EFEMP1: variants seen among roughly 807,000 people sequenced by gnomAD.
EFEMP1 encodes EGF-like fibulin extracellular matrix protein 1.
In EFEMP1, 18 loss-of-function variants were observed where a neutral mutation model predicts 65.7. The observed-to-expected ratio is 0.27, with a 90% CI of 0.19 to 0.41. EFEMP1 has a LOEUF of 0.41. EFEMP1 is among the 10% of genes least tolerant of loss of function. EFEMP1 has a pLI of 1.00. For missense variants in EFEMP1, 469 were observed against 624.8 expected (o/e 0.75, Z 2.66); for synonymous variants, 237 against 219.7 (o/e 1.08, Z -0.70).
intron 5 of EFEMP1, among the ~76,000 whole-genome samples, chr2:55,894,614 T>C (rs535779534): frequency 6.6e-6 from 1 of 152,338 alleles, no homozygotes; most frequent in East Asian, 1.9e-4. Flanking sequence ...CCAATATTTG[T>C]TTTTTTAAAT....
In EFEMP1 at chr2:55,921,590, C is replaced by T. The variant is rs1390372535; in HGVS notation, c.81+770G>A. On this transcript the variant is annotated intron_variant, in intron 3 of 11. Coordinates refer to ENST00000355426, the MANE Select transcript of EFEMP1 (RefSeq NM_001039348.3). The surrounding 1 kb of genome is among the most constrained non-coding windows in gnomAD (Gnocchi z 4.1). ...AGAACAGAGGTGCAAACAAACTCAC[C>T]AGAAGTGAAGTCAGTACTGTCCTTC... Among the ~76,000 whole-genome samples, 1 of 152,174 alleles carries T rather than the reference C, an allele frequency of 6.6e-6. No homozygotes were observed. Among genetic ancestry groups the T allele is most frequent in the Non-Finnish European group, 1.5e-5 (1 of 68,042 alleles).
chr2:55,901,045 G>A (rs1670012308), intron 5 of EFEMP1, among the ~76,000 whole-genome samples: 1 of 152,146 alleles, frequency 6.6e-6, no homozygotes, highest in South Asian at 2.1e-4. Context: ...TGGGGCAAAA[G>A]AAACGATGTA....
intron 3 of EFEMP1, among the ~76,000 whole-genome samples, chr2:55,920,538 C>T (rs143652270): frequency 0.013 from 1,936 of 152,320 alleles, 29 homozygotes; most frequent in Middle Eastern, 0.031. Context: ...TGGATACGAG[C>T]CCATTCTTCT....
intron 5 of EFEMP1, among the ~76,000 whole-genome samples, chr2:55,912,099 TGAA>T (rs912607379): frequency 6.6e-6 from 1 of 152,146 alleles, no homozygotes; most frequent in Non-Finnish European, 1.5e-5. Context: ...CTAAAAACAA[TGAA>T]GAACTGTAAG....
In EFEMP1 at chr2:55,885,844, T is replaced by C. The variant is rs1027969633; in HGVS notation, c.518-4110A>G. ...AGTCCCTGCTTAGGCCCTCATTCTC[T>C]ATGTTTTTGGCTCCTTCCCTTCAGT... On this transcript the variant is annotated intron_variant, in intron 5 of 11. Transcript: ENST00000355426. The surrounding 1 kb of genome is among the most constrained non-coding windows in gnomAD (Gnocchi z 4.3). Among the ~76,000 whole-genome samples, 30 of 152,178 alleles carry C rather than the reference T, an allele frequency of 2.0e-4. No individual in the cohort carries two copies. Among genetic ancestry groups the C allele is most frequent in the Non-Finnish European group, 3.1e-4 (21 of 68,034 alleles).
At chr2:55,869,947 C>T (rs1329686929) in intron 11 of EFEMP1, among the ~76,000 whole-genome samples, 2 of 151,902 alleles carry the variant, frequency 1.3e-5, no homozygotes, top group Non-Finnish European at 2.9e-5. Context: ...TCAGAAGCCA[C>T]TGAAGGGATC....
chr2:55,914,062 G>C (rs1376234591), intron 5 of EFEMP1, among the ~76,000 whole-genome samples: 1 of 152,162 alleles, frequency 6.6e-6, no homozygotes, highest in Non-Finnish European at 1.5e-5. Context: ...ACTAAAGTGA[G>C]CCATCAACAG....
chr2:55,890,697 C>T (rs1669596479), intron 5 of EFEMP1, among the ~76,000 whole-genome samples: 1 of 151,944 alleles, frequency 6.6e-6, no homozygotes, highest in Non-Finnish European at 1.5e-5. Flanking sequence ...TCACAACAAC[C>T]CATGGTTTAA....
chr2:55,884,092 A>G (rs981902106), intron 5 of EFEMP1, among the ~76,000 whole-genome samples: 1 of 152,000 alleles, frequency 6.6e-6, no homozygotes, highest in Non-Finnish European at 1.5e-5. Context: ...TACTAACTAC[A>G]TTTCCATTTA....
In EFEMP1 at chr2:55,871,197, G is replaced by C; in HGVS notation, c.1001-74C>G. 4 of 1,601,136 alleles carry C rather than the reference G, an allele frequency of 2.5e-6. No individual in the cohort carries two copies. The Admixed American group carries it at 6.7e-5, about 27-fold the overall frequency. ...ATCTAATTAAATCATATAACTGGCA[G>C]ATTCTGTTTGCAAGGAAGGAGGTGT... is the stretch of plus-strand genomic sequence containing the variant. On this transcript the variant is annotated intron_variant, in intron 9 of 11. Transcript: ENST00000355426. This position sits in a 1 kb window ranked among gnomAD's most constrained non-coding sequence, Gnocchi z 4.2.
At chr2:55,895,326 C>T (rs1329011335) in intron 5 of EFEMP1, among the ~76,000 whole-genome samples, 1 of 152,234 alleles carries the variant, frequency 6.6e-6, no homozygotes, top group Non-Finnish European at 1.5e-5. Flanking sequence ...TGGGCTCCAT[C>T]TCATCAGTGC....
intron 11 of EFEMP1, among the ~76,000 whole-genome samples, chr2:55,869,562 A>G (rs1668720334): frequency 6.6e-6 from 1 of 152,218 alleles, no homozygotes; most frequent in Non-Finnish European, 1.5e-5. Context: ...ATAATATCAC[A>G]TAACTCTGGA....
rs568098626 is a variant in EFEMP1, at chr2:55,886,598, T to C, written c.518-4864A>G. ...TGTTTGTTAGAAGGAAGAGCTTCTT[T>C]ACCATTGGCCTCCTTCCTCCCAACA... is the stretch of plus-strand genomic sequence containing the variant. On this transcript the variant is annotated intron_variant, in intron 5 of 11. Coordinates refer to ENST00000355426, the MANE Select transcript of EFEMP1 (RefSeq NM_001039348.3). The surrounding 1 kb of genome is among the most constrained non-coding windows in gnomAD (Gnocchi z 4.0). Among the ~76,000 whole-genome samples, 1 of 152,310 alleles carries C rather than the reference T, an allele frequency of 6.6e-6. No homozygotes were observed. Among genetic ancestry groups the C allele is most frequent in the African/African-American group, 2.4e-5 (1 of 41,578 alleles).
chr2:55,898,283 A>G (rs1306472044), intron 5 of EFEMP1, among the ~76,000 whole-genome samples: 4 of 152,190 alleles, frequency 2.6e-5, no homozygotes, highest in African/African-American at 9.7e-5. Context: ...ATATTGCTCA[A>G]TAATATTAGA....
chr2:55,880,668 GGAAA>G (rs1669205255), intron 6 of EFEMP1, among the ~76,000 whole-genome samples: 1 of 152,182 alleles, frequency 6.6e-6, no homozygotes, highest in Non-Finnish European at 1.5e-5. Context: ...GTTCCTAAGA[GGAAA>G]TAAGGCTTTT....
chr2:55,898,359 G>A (rs988497264), intron 5 of EFEMP1, among the ~76,000 whole-genome samples: 6 of 152,166 alleles, frequency 3.9e-5, no homozygotes, highest in Non-Finnish European at 8.8e-5. Context: ...AGCAGAAGCT[G>A]CTCTGTGGCA....
At position 55,876,958 on chromosome 2, in the gene EFEMP1, A is replaced by C. The variant is rs140603178; in HGVS notation, c.761-216T>G. ...GAACAACTACAAACGTCTGTCATATACTTCTTTTGGAAATACCGAAATATT... is the reference window on the plus strand; with the variant it reads ...GAACAACTACAAACGTCTGTCATATCCTTCTTTTGGAAATACCGAAATATT... On this transcript the variant is annotated intron_variant, in intron 7 of 11. Transcript: ENST00000355426. 2.3e-3 allele frequency among the ~76,000 whole-genome samples: 348 copies of C among 152,138 alleles called. 1 individual carries two copies. Among genetic ancestry groups the C allele is most frequent in the African/African-American group, 8.3e-3 (343 of 41,522 alleles).
At chr2:55,875,986 G>A (rs1669021480) in intron 8 of EFEMP1, among the ~76,000 whole-genome samples, 2 of 151,984 alleles carry the variant, frequency 1.3e-5, no homozygotes, top group African/African-American at 4.8e-5. Context: ...GACATCAAGT[G>A]TCTGTGGCAT....
Position 55,885,342 on chromosome 2 carries a change from G to T in EFEMP1, c.518-3608C>A, listed in dbSNP as rs1157358929. Among the ~76,000 whole-genome samples, 1 of 152,216 alleles carries T rather than the reference G, an allele frequency of 6.6e-6. No individual in the cohort carries two copies. Among genetic ancestry groups the T allele is most frequent in the Non-Finnish European group, 1.5e-5 (1 of 68,042 alleles). ...TGCCGGGGCTCTGTGTGAGGAGCCT[G>T]GTGCAGTGCCTGGTTGAAGAGGATC... On this transcript the variant is annotated intron_variant, in intron 5 of 11. Transcript: ENST00000355426. This position sits in a 1 kb window ranked among gnomAD's most constrained non-coding sequence, Gnocchi z 4.3.
Sources: allele counts gnomAD v4.1 joint callset (sites outside exome capture counted in the v4.1 genomes callset), GRCh38; gene constraint gnomAD v4.1.1; non-coding constraint Gnocchi (gnomAD v3.1); transcripts MANE v1.5; gene names NCBI Gene and HGNC (gene_info 2026-07-23, HGNC 2026-07-21).